Variants in RGS12 observed in about 807,000 individuals in gnomAD.
RGS12 encodes the protein regulator of G-protein signaling 12.
In RGS12, 66 loss-of-function variants were observed where a neutral mutation model predicts 120.1. The ratio of observed to expected loss-of-function variants is 0.55; its 90% CI spans 0.45 to 0.67. The LOEUF is 0.67. Ranked by LOEUF, RGS12 falls within the 30% of genes least tolerant of loss-of-function variation. The pLI is 0.00. For synonymous variants in RGS12, 827 were observed against 804.7 expected, an observed-to-expected ratio of 1.03 and a Z score of -0.47; for missense variants, 1,859 against 1,957.7, an observed-to-expected ratio of 0.95 and a Z score of 0.95.
chr4:3,287,996 C>G, the RGS12 span, among the ~76,000 whole-genome samples: 1 of 152,242 alleles, frequency 6.6e-6, no homozygotes, highest in Non-Finnish European at 1.5e-5. Flanking sequence ...CCCTGCTTCC[C>G]AGCGTCAGCG....
At chr4:3,399,072 T>C (rs990976463) in intron 4 of RGS12, among the ~76,000 whole-genome samples, 5 of 152,194 alleles carry the variant, frequency 3.3e-5, no homozygotes, top group Admixed American at 6.5e-5. Flanking sequence ...ATGGGAGTTA[T>C]CATACAGTTT....
upstream of RGS12, among the ~76,000 whole-genome samples, chr4:3,292,174 G>A (rs1723057744): frequency 6.6e-6 from 1 of 152,248 alleles, no homozygotes; most frequent in Non-Finnish European, 1.5e-5. Flanking sequence ...GAAGGGGCAG[G>A]GAGACCCAGC....
intron 3 of RGS12, among the ~76,000 whole-genome samples, chr4:3,369,458 G>A (rs942567107): frequency 1.3e-5 from 2 of 152,172 alleles, no homozygotes; most frequent in Non-Finnish European, 2.9e-5. Flanking sequence ...TGGTGGCCCT[G>A]TGGGCATTGA....
In RGS12 at chr4:3,316,781, A is replaced by G; in HGVS notation, c.611A>G (p.His204Arg). 1.2e-6 allele frequency: 2 copies of G among 1,614,264 alleles called. No homozygotes were observed. The highest frequency in any genetic ancestry group is 1.1e-5 in the South Asian group (1 of 91,090). ...LSKEEISKVI[H>R]DDSVFSIGLE... ...AAGGAGGAAATATCAAAAGTTATTC[A>G]TGATGATTCGGTTTTCAGCATTGGA... Residue 204 changes from histidine (H) to arginine (R), a missense_variant, in exon 2 of 18, where the codon CAT (histidine) becomes CGT (arginine). Around this residue, in one of 3 missense-constraint regions of RGS12, gnomAD observed 967 missense variants for 994.2 expected, o/e 0.97. Coordinates refer to ENST00000336727, the MANE Select transcript of RGS12 (RefSeq NM_001394154.1).
intron 4 of RGS12, among the ~76,000 whole-genome samples, chr4:3,403,841 G>C (rs1720840416): frequency 6.6e-6 from 1 of 152,246 alleles, no homozygotes; most frequent in Non-Finnish European, 1.5e-5. Flanking sequence ...GCATCTTCCA[G>C]TTGATAACTG....
chr4:3,417,562 G>A, intron 9 of RGS12, 21 bp downstream of exon 9: 3 of 1,610,408 alleles, frequency 1.9e-6, no homozygotes, highest in Non-Finnish European at 2.5e-6. Context: ...TGGCTCCTGG[G>A]CTGTGGTGTC....
At chr4:3,407,801 G>A (rs895919975) in intron 4 of RGS12, among the ~76,000 whole-genome samples, 10 of 152,246 alleles carry the variant, frequency 6.6e-5, no homozygotes, top group African/African-American at 2.4e-4. Context: ...CGGGCCGTGT[G>A]TTACAGAACT....
At chr4:3,427,843 A>C (rs1417309856) in intron 14 of RGS12, among the ~76,000 whole-genome samples, 2 of 152,260 alleles carry the variant, frequency 1.3e-5, no homozygotes, top group Non-Finnish European at 1.5e-5. Context: ...TGAGCTTTTC[A>C]ATTTCAACAT....
intron 1 of RGS12, among the ~76,000 whole-genome samples, chr4:3,301,557 C>T (rs1177130694): frequency 6.6e-6 from 1 of 151,834 alleles, no homozygotes; most frequent in African/African-American, 2.4e-5. Flanking sequence ...AGAGGCCCGC[C>T]AGGGCCAGGG....
Position 3,428,671 on chromosome 4 carries a change from G to A in RGS12, c.3525G>A (p.Gly1175=), listed in dbSNP as rs773440735. 2.5e-6 allele frequency: 4 copies of A among 1,576,896 alleles called. No individual in the cohort carries two copies. Among genetic ancestry groups the A allele is most frequent in the South Asian group, 2.3e-5 (2 of 85,334 alleles). ...SKREESIAKI[G]KKKYQKINLD... is the part of the protein sequence containing the mutation. Reference sequence around the variant, plus strand: ...GAGAAGAATCTATTGCAAAGATTGGGAAAAAAAAATATCAGAAAATTAATT... The same window carrying A: ...GAGAAGAATCTATTGCAAAGATTGGAAAAAAAAAATATCAGAAAATTAATT... Residue 1175 remains glycine, a synonymous_variant, in exon 16 of 18, where the codon GGG becomes GGA. Coordinates refer to ENST00000336727, the MANE Select transcript of RGS12 (RefSeq NM_001394154.1).
chr4:3,333,925 C>T (rs1196725029), intron 2 of RGS12, among the ~76,000 whole-genome samples: 1 of 152,174 alleles, frequency 6.6e-6, no homozygotes, highest in African/African-American at 2.4e-5. Flanking sequence ...AATAGTATCT[C>T]TCTTCTCTCT....
chr4:3,311,351 C>G (rs1578699013), intron 1 of RGS12, among the ~76,000 whole-genome samples: 1 of 152,186 alleles, frequency 6.6e-6, no homozygotes, highest in African/African-American at 2.4e-5. Context: ...AGGAGTTTAT[C>G]AGAACAGGAC....
intron 3 of RGS12, among the ~76,000 whole-genome samples, chr4:3,344,127 A>G (rs1161687147): frequency 1.3e-5 from 2 of 152,160 alleles, no homozygotes; most frequent in Non-Finnish European, 2.9e-5. Context: ...CTCCGTCCAC[A>G]GTGACTGCTC....
intron 4 of RGS12, among the ~76,000 whole-genome samples, chr4:3,411,638 A>C (rs1403282009): frequency 1.3e-5 from 2 of 152,266 alleles, no homozygotes; most frequent in African/African-American, 2.4e-5. Flanking sequence ...CCCTGGTGAC[A>C]GGATATTAGG....
rs1719286879 is a variant in RGS12, at chr4:3,389,829, G to A, written c.2020+3392G>A. Among the ~76,000 whole-genome samples the A allele has an allele frequency of 1.3e-5, 2 of 152,302 alleles. No homozygotes were observed. Among genetic ancestry groups the A allele is most frequent in the Middle Eastern group, 6.8e-3 (2 of 294 alleles). On this transcript the variant is annotated intron_variant, in intron 4 of 17. Coordinates refer to ENST00000336727, the MANE Select transcript of RGS12 (RefSeq NM_001394154.1). The surrounding 1 kb of genome is among the most constrained non-coding windows in gnomAD (Gnocchi z 5.2). Reference sequence around the variant, plus strand: ...GACACCCCACATACATGACCCCGGTGCTCCAGCTGCTTCTCAAACACTCCG... The same window carrying A: ...GACACCCCACATACATGACCCCGGTACTCCAGCTGCTTCTCAAACACTCCG...
intron 2 of RGS12, among the ~76,000 whole-genome samples, chr4:3,322,673 T>A (rs960276507): frequency 2.0e-5 from 3 of 152,230 alleles, no homozygotes; most frequent in African/African-American, 7.2e-5. Context: ...TTGGAAATTT[T>A]AAAAATGAAA....
At chr4:3,333,336 A>G (rs1006327602) in intron 2 of RGS12, among the ~76,000 whole-genome samples, 14 of 152,076 alleles carry the variant, frequency 9.2e-5, no homozygotes, top group Non-Finnish European at 1.9e-4. Flanking sequence ...GGCGTGAGCT[A>G]CCGTGCCCGG....
intron 1 of RGS12, among the ~76,000 whole-genome samples, chr4:3,308,072 A>G (rs1445395763): frequency 6.6e-6 from 1 of 152,214 alleles, no homozygotes; most frequent in Non-Finnish European, 1.5e-5. Context: ...CCCCAGGACC[A>G]TGCGGTCAGG....
chr4:3,408,672 G>T (rs1721413563), intron 4 of RGS12, among the ~76,000 whole-genome samples: 1 of 152,178 alleles, frequency 6.6e-6, no homozygotes, highest in African/African-American at 2.4e-5. Flanking sequence ...TGTGCCCTCG[G>T]GAAGCTGAGG....
Sources: allele counts gnomAD v4.1 joint callset (sites outside exome capture counted in the v4.1 genomes callset), GRCh38; gene constraint gnomAD v4.1.1; regional missense constraint gnomAD v4.1.1; non-coding constraint Gnocchi (gnomAD v3.1); transcripts MANE v1.5; gene names NCBI Gene and HGNC (gene_info 2026-07-23, HGNC 2026-07-21).